The following ZXDC variants were observed in gnomAD, a reference collection of about 807,000 sequenced individuals.
ZXDC encodes ZXD family zinc finger C, also known as zinc finger protein ZXDC.
In ZXDC, 58 loss-of-function variants were observed where a neutral mutation model predicts 63.6. The ratio of observed to expected loss-of-function variants is 0.91; its 90% CI spans 0.74 to 1.13. ZXDC has a LOEUF of 1.13. Among genes scored for constraint, ZXDC ranks in the 50% most tolerant of loss-of-function variants. The pLI is 0.00. For missense variants in ZXDC, 1,133 were observed against 1,148.9 expected (o/e 0.99, Z 0.20); for synonymous variants, 561 against 496.1 (o/e 1.13, Z -1.74).
intron 9 of ZXDC, among the ~76,000 whole-genome samples, chr3:126,438,666 C>T (rs1933555877): frequency 6.6e-6 from 1 of 152,220 alleles, no homozygotes; most frequent in Admixed American, 6.5e-5. Flanking sequence ...CAAGATTGTT[C>T]TGTCTGCACA....
chr3:126,443,594 A>T (rs920680741), intron 7 of ZXDC, among the ~76,000 whole-genome samples: 1 of 152,240 alleles, frequency 6.6e-6, no homozygotes, highest in African/African-American at 2.4e-5. Flanking sequence ...GTTTGCCACA[A>T]ACCTTCAATT....
chr3:126,447,326 T>C (rs1347092081), intron 7 of ZXDC, among the ~76,000 whole-genome samples: 2 of 152,262 alleles, frequency 1.3e-5, no homozygotes, highest in Non-Finnish European at 2.9e-5. Flanking sequence ...TTATTACTTT[T>C]ACTGTCATTA....
At position 126,475,118 on chromosome 3, in the gene ZXDC, T is replaced by C. The variant is rs1224869001; in HGVS notation, c.748A>G (p.Thr250Ala). The change falls in exon 1 of 10, where the codon ACT (threonine) becomes GCT (alanine). Residue 250 changes from threonine to alanine, a missense_variant. Physicochemically the swap from Thr to Ala is moderately conservative, Grantham distance 58. Coordinates refer to ENST00000389709, the MANE Select transcript of ZXDC (RefSeq NM_025112.5). ...CPVGGCGKKFTTVYNLKAHMK... is the reference protein window; with the variant it reads ...CPVGGCGKKFATVYNLKAHMK... Reference sequence around the variant, plus strand: ...TGCGCCTTGAGGTTATAGACCGTAGTGAACTTCTTGCCACAGCCGCCCACT... The same window carrying C: ...TGCGCCTTGAGGTTATAGACCGTAGCGAACTTCTTGCCACAGCCGCCCACT... The C allele has an allele frequency of 1.2e-6, 2 of 1,610,708 alleles. No homozygotes were observed. The highest frequency in any genetic ancestry group is 2.2e-5 in the South Asian group (2 of 90,442).
Position 126,441,836 on chromosome 3 carries a change from C to T in ZXDC, c.2323G>A (p.Gly775Arg), listed in dbSNP as rs1483268956. 1 of 1,613,756 alleles carries T rather than the reference C, an allele frequency of 6.2e-7. No individual in the cohort carries two copies. Among genetic ancestry groups the T allele is most frequent in the African/African-American group, 1.3e-5 (1 of 74,944 alleles). Residue 775 changes from glycine (G) to arginine (R), a missense_variant, in exon 8 of 10, where the codon GGA (glycine) becomes AGA (arginine). Gly to Arg is a moderately radical substitution (Grantham distance 125). Transcript: ENST00000389709. ...GCTGCTGGAGCTGGTCCTGGCCGTCCTCCGCTGGGCACCACGAGGCTCCCA... is the reference window on the plus strand; with the variant it reads ...GCTGCTGGAGCTGGTCCTGGCCGTCTTCCGCTGGGCACCACGAGGCTCCCA... ...LCGSLVVPSG[G>R]RPGPAPAAGV...
In ZXDC at chr3:126,472,305, C is replaced by A. The variant is rs1935012035; in HGVS notation, c.908G>T (p.Gly303Val). ...CACTGTGATAAATGTCTTCTCACAG[C>A]CTGAACAAGGAAAACACAAACCCTG... The part of the protein sequence containing the change: ...PERPYKCDFP[G>V]CEKTFITVSA... Residue 303 changes from glycine to valine, a missense_variant and splice_region_variant, in exon 2 of 10, where the codon GGC (glycine) becomes GTC (valine). Physicochemically the swap from Gly to Val is moderately radical, Grantham distance 109. Coordinates refer to ENST00000389709, the MANE Select transcript of ZXDC (RefSeq NM_025112.5). 1 of 1,603,692 alleles carries A rather than the reference C, an allele frequency of 6.2e-7. No homozygotes were observed. The highest frequency in any genetic ancestry group is 8.5e-7 in the Non-Finnish European group (1 of 1,171,532).
At chr3:126,453,748 G>C (rs532744756) in intron 7 of ZXDC, 2 of 977,590 alleles carry the variant, frequency 2.0e-6, no homozygotes, top group East Asian at 2.3e-4. Flanking sequence ...AGGCTGCAGT[G>C]CAATGGTGCG....
intron 8 of ZXDC, chr3:126,440,571 G>A: frequency 1.0e-6 from 1 of 986,060 alleles, no homozygotes; most frequent in Non-Finnish European, 1.2e-6. Context: ...CAAGCCTCTG[G>A]TCCTGACTCT....
intron 4 of ZXDC, among the ~76,000 whole-genome samples, chr3:126,469,613 C>G (rs920997368): frequency 1.7e-4 from 26 of 152,194 alleles, no homozygotes; most frequent in African/African-American, 6.3e-4. Flanking sequence ...ATGATGACAT[C>G]ATACGCTCAC....
intron 8 of ZXDC, chr3:126,440,432 A>G (rs1382549742): frequency 4.1e-6 from 4 of 985,390 alleles, no homozygotes; most frequent in Non-Finnish European, 4.8e-6. Context: ...AGTAACCAAG[A>G]CTACGCTAGC....
intron 6 of ZXDC, chr3:126,459,941 A>G: frequency 1.0e-6 from 1 of 985,482 alleles, no homozygotes; most frequent in Non-Finnish European, 1.2e-6. Flanking sequence ...AATGTATGTG[A>G]CTTTCTTATC....
chr3:126,469,877 T>A (rs1265057915), intron 4 of ZXDC, among the ~76,000 whole-genome samples: 2 of 152,242 alleles, frequency 1.3e-5, no homozygotes, highest in Non-Finnish European at 2.9e-5. Flanking sequence ...GTATATATGT[T>A]CATTATGTTC....
chr3:126,462,224 A>G lies in ZXDC; in HGVS notation c.1442-4T>C. 2 of 1,571,138 alleles carry G rather than the reference A, an allele frequency of 1.3e-6. No homozygotes were observed. Among genetic ancestry groups the G allele is most frequent in the South Asian group, 2.3e-5 (2 of 87,450 alleles). ...GCTTCTAGCTGAGGTAAGAGATCTG[A>G]AAAAAAAAGGAATACACTCTGGTTA... is the stretch of plus-strand genomic sequence containing the variant. On this transcript the variant is annotated splice_polypyrimidine_tract_variant and splice_region_variant and intron_variant, in intron 5 of 9. Coordinates refer to ENST00000389709, the MANE Select transcript of ZXDC (RefSeq NM_025112.5).
At chr3:126,454,302 ATTGT>A (rs1439462583) in intron 7 of ZXDC, 6 of 984,316 alleles carry the variant, frequency 6.1e-6, no homozygotes, top group Non-Finnish European at 7.2e-6. Flanking sequence ...TGGCTTTTAC[ATTGT>A]TTGATATTAT....
intron 4 of ZXDC, among the ~76,000 whole-genome samples, chr3:126,467,190 T>C (rs1302540128): frequency 6.6e-6 from 1 of 152,084 alleles, no homozygotes; most frequent in Non-Finnish European, 1.5e-5. Context: ...TGGGCCACCC[T>C]GCAGCAGAGC....
chr3:126,465,943 T>C (rs192827590), intron 5 of ZXDC, among the ~76,000 whole-genome samples: 13 of 152,094 alleles, frequency 8.5e-5, no homozygotes, highest in African/African-American at 3.1e-4. Flanking sequence ...AGAGGGACCC[T>C]GTCTCAAAAA....
chr3:126,475,643 A>G lies in ZXDC; in HGVS notation c.223T>C (p.Phe75Leu), dbSNP rs1935188667. The G allele has an allele frequency of 1.4e-6, 2 of 1,466,958 alleles. No individual in the cohort carries two copies. The highest frequency in any genetic ancestry group is 1.8e-6 in the Non-Finnish European group (2 of 1,107,332). 90.9% of individuals were successfully genotyped at this position (1,466,958 alleles called of 1,614,324 possible). ...TGCGGCACTTCCAGCAGCACCAAGA[A>G]AGAGTCGCCGTCGCTGTCGTCCTCG... ...PAEDDSDGDS[F>L]LVLLEVPHGG... is the part of the protein sequence containing the mutation. Residue 75 changes from phenylalanine (F) to leucine (L), a missense_variant, in exon 1 of 10, where the codon TTC becomes CTC. Coordinates refer to ENST00000389709, the MANE Select transcript of ZXDC (RefSeq NM_025112.5).
intron 4 of ZXDC, among the ~76,000 whole-genome samples, chr3:126,470,575 T>C (rs1181759294): frequency 6.6e-6 from 1 of 152,166 alleles, no homozygotes; most frequent in Admixed American, 6.5e-5. Flanking sequence ...ATTTACTGAG[T>C]CCGAGCTCCA....
intron 9 of ZXDC, 70 bp from the exon 10 acceptor site, chr3:126,438,531 A>T: frequency 7.0e-7 from 1 of 1,424,782 alleles, no homozygotes; most frequent in Non-Finnish European, 9.7e-7. Flanking sequence ...GGCTCCACAC[A>T]GCAGGACACT....
chr3:126,457,711 T>A (rs1250212645), intron 7 of ZXDC: 12 of 941,454 alleles, frequency 1.3e-5, no homozygotes, highest in South Asian at 4.9e-5. Flanking sequence ...CAGCTATAAG[T>A]AAGAAAGGAA....
Sources: gnomAD v4.1 joint callset for allele counts (sites outside exome capture counted in the v4.1 genomes callset) on GRCh38, gnomAD v4.1.1 for gene constraint, MANE v1.5 for transcripts, NCBI Gene and HGNC (gene_info 2026-07-23, HGNC 2026-07-21) for gene names.